The following LRCH1 variants were observed in gnomAD, a reference collection of about 807,000 sequenced individuals.
LRCH1 encodes the protein leucine rich repeats and calponin homology domain containing 1.
LRCH1 carries 23 observed loss-of-function variants against 94.9 expected under a neutral mutation model. That is an observed-to-expected ratio of 0.24 (90% CI 0.17 to 0.34). The LOEUF is 0.34. Among genes scored for constraint, LRCH1 ranks in the 10% least tolerant of loss-of-function variants. LRCH1 has a pLI of 1.00. For synonymous variants in LRCH1, 364 were observed against 354.9 expected (o/e 1.03, Z -0.29); for missense variants, 790 against 945.9 (o/e 0.84, Z 2.16).
chr13:46,743,122 T>C lies in LRCH1; in HGVS notation c.*1274T>C, dbSNP rs1450199032. On this transcript the variant is annotated 3_prime_UTR_variant, in exon 20 of 20. Coordinates refer to ENST00000389797, the MANE Select transcript of LRCH1 (RefSeq NM_001164211.2). ...TACATGCTGTTTGCCAAATCTTGTTTCTTAGCTTGGGGAGATGATGGACTT... is the reference window on the plus strand; with the variant it reads ...TACATGCTGTTTGCCAAATCTTGTTCCTTAGCTTGGGGAGATGATGGACTT... 1.0e-6 allele frequency: 1 copy of C among 985,340 alleles called. No individual in the cohort carries two copies. Among genetic ancestry groups the C allele is most frequent in the East Asian group, 1.1e-4 (1 of 8,832 alleles). The allele number at this position is 985,340 out of a possible 1,614,324, so 61.0% of individuals were successfully genotyped here. A position where few individuals can be genotyped will look rare whatever the true frequency, so the allele number is the denominator to read the frequency against.
intron 1 of LRCH1, among the ~76,000 whole-genome samples, chr13:46,556,065 T>C (rs376336119): frequency 2.1e-4 from 32 of 152,254 alleles, no homozygotes; most frequent in African/African-American, 7.2e-4. Context: ...ATATTTACTT[T>C]AAGAATGTCT....
intron 2 of LRCH1, among the ~76,000 whole-genome samples, chr13:46,654,337 T>G (rs2051344024): frequency 6.6e-6 from 1 of 152,240 alleles, no homozygotes; most frequent in South Asian, 2.1e-4. Flanking sequence ...CGGTGGCCTT[T>G]TCACGTCTTT....
chr13:46,657,390 A>ATTTTT lies in LRCH1; in HGVS notation c.452+7052_452+7056dup, dbSNP rs10672465. Among the ~76,000 whole-genome samples the ATTTTT allele has an allele frequency of 1.5e-3, 218 of 146,266 alleles. 1 individual carries two copies. The highest frequency in any genetic ancestry group is 4.0e-3 in the Admixed American group (59 of 14,628). On this transcript the variant is annotated intron_variant, in intron 2 of 19. Transcript: ENST00000389797. The stretch of plus-strand genomic sequence containing the variant: ...ACAAGTGCTGTAGAGAAAAAGAGAG[A>ATTTTT]TTTTTTTTTTTAAAACATACATATA...
chr13:46,617,591 TC>T (rs1419643218), intron 1 of LRCH1, among the ~76,000 whole-genome samples: 1 of 152,204 alleles, frequency 6.6e-6, no homozygotes. Flanking sequence ...CAACTGCAGG[TC>T]CCCTGAAGGT....
chr13:46,582,555 G>A (rs964451842), intron 1 of LRCH1, among the ~76,000 whole-genome samples: 12 of 146,318 alleles, frequency 8.2e-5, no homozygotes, highest in Non-Finnish European at 1.3e-4. Context: ...CACAATCTTA[G>A]CTCACTGTAG....
At chr13:46,710,524 C>A (rs1262389749) in intron 13 of LRCH1, among the ~76,000 whole-genome samples, 1 of 152,066 alleles carries the variant, frequency 6.6e-6, no homozygotes, top group African/African-American at 2.4e-5. Flanking sequence ...ACATAAATAT[C>A]GAACGGGGAA....
At chr13:46,658,767 C>T (rs2051408486) in intron 2 of LRCH1, among the ~76,000 whole-genome samples, 1 of 152,208 alleles carries the variant, frequency 6.6e-6, no homozygotes, top group South Asian at 2.1e-4. Flanking sequence ...AGGCGTGAGC[C>T]ACCACACCTG....
chr13:46,721,904 GAAA>G (rs1357142464), intron 16 of LRCH1, among the ~76,000 whole-genome samples: 1 of 152,200 alleles, frequency 6.6e-6, no homozygotes, highest in Admixed American at 6.5e-5. Context: ...AATTTAGAAA[GAAA>G]ATACTGAGAT....
In LRCH1 at chr13:46,553,224, G is replaced by GC; in HGVS notation, c.-171dup. Reference sequence around the variant, plus strand: ...CCTTCAAGACCGAGCTGCCACGGCCGCCTCCCCGCCCGCCCCCCATTCTAC... The same window carrying GC: ...CCTTCAAGACCGAGCTGCCACGGCCGCCCTCCCCGCCCGCCCCCCATTCTAC... On this transcript the variant is annotated 5_prime_UTR_variant, in exon 1 of 20. Coordinates refer to ENST00000389797, the MANE Select transcript of LRCH1 (RefSeq NM_001164211.2). 4.3e-5 allele frequency: 24 copies of GC among 558,760 alleles called. No homozygotes were observed. The highest frequency in any genetic ancestry group is 1.7e-4 in the East Asian group (5 of 30,012). 34.6% of individuals were successfully genotyped at this position (558,760 alleles called of 1,614,324 possible). A position where few individuals can be genotyped will look rare whatever the true frequency, so the allele number is the denominator to read the frequency against.
chr13:46,696,887 A>C (rs1871223338), intron 9 of LRCH1, among the ~76,000 whole-genome samples: 1 of 151,978 alleles, frequency 6.6e-6, no homozygotes, highest in Non-Finnish European at 1.5e-5. Context: ...TGGGCAACAT[A>C]CTAAGATTCC....
chr13:46,699,250 T>C, intron 9 of LRCH1, 86 bp from the exon 10 acceptor site: 1 of 996,202 alleles, frequency 1.0e-6, no homozygotes, highest in Non-Finnish European at 1.6e-6. Flanking sequence ...TGAATAACGC[T>C]GTTATAAACA....
At chr13:46,566,149 C>T (rs1043325076) in intron 1 of LRCH1, among the ~76,000 whole-genome samples, 2 of 152,074 alleles carry the variant, frequency 1.3e-5, no homozygotes, top group Non-Finnish European at 1.5e-5. Context: ...AAATAAAAAA[C>T]CATTGACAGT....
chr13:46,651,943 A>G lies in LRCH1; in HGVS notation c.452+1598A>G, dbSNP rs535616319. Among the ~76,000 whole-genome samples, 7 of 143,908 alleles carry G rather than the reference A, an allele frequency of 4.9e-5. No homozygotes were observed. In the East Asian group the frequency reaches 8.3e-4, roughly 17 times the overall value. 94.4% of individuals were successfully genotyped at this position (143,908 alleles called of 152,430 possible). A position where few individuals can be genotyped will look rare whatever the true frequency, so the allele number is the denominator to read the frequency against. On this transcript the variant is annotated intron_variant, in intron 2 of 19. Transcript: ENST00000389797. Reference sequence around the variant, plus strand: ...TGCTCTGTCGCCCAGGCTGGAGTGCAGTGGCGCGATCTCGGCTCACTGCAA... The same window carrying G: ...TGCTCTGTCGCCCAGGCTGGAGTGCGGTGGCGCGATCTCGGCTCACTGCAA...
chr13:46,597,577 G>A lies in LRCH1; in HGVS notation c.307+43874G>A, dbSNP rs1215224235. On this transcript the variant is annotated intron_variant, in intron 1 of 19. Transcript: ENST00000389797. Reference sequence around the variant, plus strand: ...TCACCATGTCGAACAGGCTGGACTTGAACTCCTGACCTCAGGTGATCCACC... The same window carrying A: ...TCACCATGTCGAACAGGCTGGACTTAAACTCCTGACCTCAGGTGATCCACC... 2.0e-5 allele frequency among the ~76,000 whole-genome samples: 3 copies of A among 152,076 alleles called. No individual in the cohort carries two copies. The East Asian group carries it at 5.8e-4, about 29-fold the overall frequency.
At chr13:46,675,542 T>C (rs1035308053) in intron 3 of LRCH1, among the ~76,000 whole-genome samples, 3 of 152,264 alleles carry the variant, frequency 2.0e-5, no homozygotes, top group African/African-American at 7.2e-5. Flanking sequence ...TTGGATATGC[T>C]ATTTTTTATT....
chr13:46,696,268 T>A (rs1871183178), intron 9 of LRCH1, among the ~76,000 whole-genome samples: 1 of 151,764 alleles, frequency 6.6e-6, no homozygotes, highest in Non-Finnish European at 1.5e-5. Flanking sequence ...TTTTCTAAAG[T>A]GCAAATCTAA....
chr13:46,627,530 A>C (rs1027250753), intron 1 of LRCH1, among the ~76,000 whole-genome samples: 1 of 152,218 alleles, frequency 6.6e-6, no homozygotes, highest in Non-Finnish European at 1.5e-5. Flanking sequence ...GACGTTGTCC[A>C]GTGCTCTGTT....
At position 46,686,028 on chromosome 13, in the gene LRCH1, C is replaced by T; in HGVS notation, c.809C>T (p.Ser270Phe). Residue 270 changes from serine to phenylalanine, a missense_variant, in exon 5 of 20, where the codon TCT (serine) becomes TTT (phenylalanine). By Grantham distance (155) the Ser-to-Phe change is radical. Transcript: ENST00000389797. ...CTACTTGAGAATAACCCTCTGCAGT[C>T]TCCTCCAGCACAGGTGAGGGGTCTT... The part of the protein sequence containing the change: ...VLLLENNPLQ[S>F]PPAQICTKGK... 6.2e-7 allele frequency: 1 copy of T among 1,600,734 alleles called. No individual in the cohort carries two copies. Among genetic ancestry groups the T allele is most frequent in the Non-Finnish European group, 8.5e-7 (1 of 1,174,968 alleles).
chr13:46,636,979 G>T (rs1347238237), intron 1 of LRCH1, among the ~76,000 whole-genome samples: 1 of 152,136 alleles, frequency 6.6e-6, no homozygotes, highest in Non-Finnish European at 1.5e-5. Flanking sequence ...CCGAGGCCCA[G>T]CTGTGAACAC....
Sources: allele counts gnomAD v4.1 joint callset (sites outside exome capture counted in the v4.1 genomes callset), GRCh38; gene constraint gnomAD v4.1.1; transcripts MANE v1.5; gene names NCBI Gene and HGNC (gene_info 2026-07-23, HGNC 2026-07-21).